Variants in LCT observed in about 807,000 individuals in gnomAD.
LCT encodes the protein lactase, also known as lactase/phlorizin hydrolase.
LCT carries 90 observed loss-of-function variants against 173.0 expected under a neutral mutation model. The ratio of observed to expected loss-of-function variants is 0.52; its 90% CI spans 0.44 to 0.62. LCT has a LOEUF of 0.62. Among genes scored for constraint, LCT ranks in the 20% least tolerant of loss-of-function variants. The pLI is 0.00. For synonymous variants in LCT, 853 were observed against 957.6 expected (o/e 0.89, Z 2.02); for missense variants, 1,864 against 2,431.4 (o/e 0.77, Z 4.91).
At chr2:135,829,812 A>T in intron 2 of LCT, 136 bp from the exon 3 acceptor site, 3 of 634,152 alleles carry the variant, frequency 4.7e-6, no homozygotes, top group Non-Finnish European at 8.6e-6. Context: ...AAAGGAAAAG[A>T]TGGAGATGGA....
chr2:135,825,828 G>T (rs955344413), intron 3 of LCT, among the ~76,000 whole-genome samples: 1 of 152,158 alleles, frequency 6.6e-6, no homozygotes, highest in Admixed American at 6.5e-5. Context: ...CTCTTCCCTC[G>T]CAGCCCACAG....
intron 6 of LCT, among the ~76,000 whole-genome samples, chr2:135,813,292 C>T (rs762850652): frequency 2.6e-5 from 4 of 152,122 alleles, no homozygotes; most frequent in African/African-American, 9.7e-5. Flanking sequence ...ATAATATCAA[C>T]GATGTTGATG....
rs1195871665 is a variant in LCT at position 135,821,459 on chromosome 2, GC to G, written c.986+560del. 2.0e-5 allele frequency among the ~76,000 whole-genome samples: 3 copies of G among 152,116 alleles called. No homozygotes were observed. The East Asian group carries it at 5.8e-4, about 29-fold the overall frequency. On this transcript the variant is annotated intron_variant, in intron 5 of 16. Transcript: ENST00000264162. ...GATGGTCAGATCTATCTTTAACCTGGCCACTCTTCCACAAGCTCACACTGTC... is the reference window on the plus strand; with the variant it reads ...GATGGTCAGATCTATCTTTAACCTGGCACTCTTCCACAAGCTCACACTGTC...
intron 5 of LCT, among the ~76,000 whole-genome samples, chr2:135,821,435 A>T (rs1191775049): frequency 6.6e-6 from 1 of 152,144 alleles, no homozygotes. Flanking sequence ...CTTCAGTGGG[A>T]TGGTCAGATC....
Position 135,817,426 on chromosome 2 carries a change from T to C in LCT, c.1622A>G (p.His541Arg), listed in dbSNP as rs745709919. The stretch of plus-strand genomic sequence containing the variant: ...TGCGTAGCTCATCACCCACGGCTCA[T>C]GGAAGGTCACCCACAGCTTCACACG... ...GDRVKLWVTF[H>R]EPWVMSYAGY... Residue 541 changes from histidine (H) to arginine (R), a missense_variant, in exon 6 of 17, where the codon CAT (histidine) becomes CGT (arginine). Around this residue, in one of 4 missense-constraint regions of LCT, gnomAD observed 183 missense variants for 293.1 expected, o/e 0.62. Transcript: ENST00000264162. The C allele has an allele frequency of 1.2e-6, 2 of 1,614,112 alleles. No individual in the cohort carries two copies. Among genetic ancestry groups the C allele is most frequent in the East Asian group, 4.5e-5 (2 of 44,866 alleles).
chr2:135,803,572 C>A (rs897557741), intron 11 of LCT, among the ~76,000 whole-genome samples: 3 of 152,172 alleles, frequency 2.0e-5, no homozygotes, highest in African/African-American at 7.2e-5. Flanking sequence ...TCAGCCAAAC[C>A]AATTGTCAGA....
chr2:135,810,551 T>G (rs2077725952), intron 7 of LCT, among the ~76,000 whole-genome samples: 1 of 152,218 alleles, frequency 6.6e-6, no homozygotes, highest in Non-Finnish European at 1.5e-5. Flanking sequence ...ATGTGTCCCA[T>G]GTGTTACCAC....
chr2:135,788,215 T>C lies in LCT; in HGVS notation c.*109A>G. 8.7e-6 allele frequency: 7 copies of C among 807,960 alleles called. No individual in the cohort carries two copies. Among genetic ancestry groups the C allele is most frequent in the East Asian group, 2.4e-5 (1 of 41,292 alleles). 50.0% of individuals were successfully genotyped at this position (807,960 alleles called of 1,614,324 possible). A position where few individuals can be genotyped will look rare whatever the true frequency, so the allele number is the denominator to read the frequency against. ...CATCTCTAACGGTGCAGCAGGACTTTATGGAGAAGTCCAGTATCAGCAGAG... is the reference window on the plus strand; with the variant it reads ...CATCTCTAACGGTGCAGCAGGACTTCATGGAGAAGTCCAGTATCAGCAGAG... On this transcript the variant is annotated 3_prime_UTR_variant, in exon 17 of 17. Coordinates refer to ENST00000264162, the MANE Select transcript of LCT (RefSeq NM_002299.4).
chr2:135,836,510 T>A lies in LCT; in HGVS notation c.640+20A>T, dbSNP rs1400404841. ...GATGAAGGTTGCCGAGGGGTCACCA[T>A]CAGGTCAATGTGTACTCACCCTGAA... On this transcript the variant is annotated intron_variant, in intron 1 of 16. Coordinates refer to ENST00000264162, the MANE Select transcript of LCT (RefSeq NM_002299.4). 3 of 1,612,900 alleles carry A rather than the reference T, an allele frequency of 1.9e-6. No homozygotes were observed. The highest frequency in any genetic ancestry group is 1.1e-5 in the South Asian group (1 of 91,040).
At chr2:135,806,551 G>A (rs2077676800) in intron 9 of LCT, among the ~76,000 whole-genome samples, 1 of 152,084 alleles carries the variant, frequency 6.6e-6, no homozygotes, top group Non-Finnish European at 1.5e-5. Flanking sequence ...CATTCATGGT[G>A]AGTACCCTGT....
Position 135,801,494 on chromosome 2 carries a change from C to G in LCT, c.4664-685G>C, listed in dbSNP as rs555898017. Among the ~76,000 whole-genome samples, 355 of 151,978 alleles carry G rather than the reference C, an allele frequency of 2.3e-3. 1 individual carries two copies. Among genetic ancestry groups the G allele is most frequent in the African/African-American group, 8.2e-3 (340 of 41,510 alleles). ...CTTTGGGAGGCTGAGGCAGGTGGAT[C>G]ACCTGAGGTCAGGAGTTTGAGACCA... On this transcript the variant is annotated intron_variant, in intron 11 of 16. Coordinates refer to ENST00000264162, the MANE Select transcript of LCT (RefSeq NM_002299.4).
In LCT at chr2:135,794,946, C is replaced by T. The variant is rs544693619; in HGVS notation, c.4977-171G>A. Reference sequence around the variant, plus strand: ...CCTTCAGGCGGTGCAGGAAGCACTGCGGCTCCTCCAGCCAGACCATAAACC... The same window carrying T: ...CCTTCAGGCGGTGCAGGAAGCACTGTGGCTCCTCCAGCCAGACCATAAACC... On this transcript the variant is annotated intron_variant, in intron 13 of 16. Transcript: ENST00000264162. 2.7e-5 allele frequency among the ~76,000 whole-genome samples: 4 copies of T among 145,598 alleles called. No homozygotes were observed. In the East Asian group the frequency reaches 8.2e-4, roughly 30 times the overall value.
chr2:135,829,436 G>A (rs1371222402), intron 3 of LCT, among the ~76,000 whole-genome samples, 157 bp downstream of exon 3: 3 of 152,112 alleles, frequency 2.0e-5, no homozygotes, highest in Non-Finnish European at 4.4e-5. Flanking sequence ...ATGTTCTCTA[G>A]GGATGCTTGC....
At chr2:135,811,500 C>G (rs1435022350) in intron 7 of LCT, among the ~76,000 whole-genome samples, 1 of 151,942 alleles carries the variant, frequency 6.6e-6, no homozygotes, top group Non-Finnish European at 1.5e-5. Flanking sequence ...AGATGTGGAT[C>G]AATTGGATCA....
At chr2:135,834,804 AAAAAAAG>A in intron 1 of LCT, among the ~76,000 whole-genome samples, 1 of 147,486 alleles carries the variant, frequency 6.8e-6, no homozygotes, top group African/African-American at 2.5e-5. Context: ...AAAAAAAAAA[AAAAAAAG>A]AAGAAGAAAA....
In LCT at chr2:135,799,021, G is replaced by A. The variant is rs1160577894; in HGVS notation, c.4867-883C>T. 6.6e-5 allele frequency among the ~76,000 whole-genome samples: 10 copies of A among 152,296 alleles called. No individual in the cohort carries two copies. In the East Asian group the frequency reaches 9.6e-4, roughly 15 times the overall value. The stretch of plus-strand genomic sequence containing the variant: ...ATATGACAGCCTAACGTTTCCTGAC[G>A]TTTGAAGTTTTGATTTCAGGAAAAA... On this transcript the variant is annotated intron_variant, in intron 12 of 16. Transcript: ENST00000264162.
At chr2:135,797,247 C>T (rs1031727836) in intron 13 of LCT, among the ~76,000 whole-genome samples, 8 of 152,100 alleles carry the variant, frequency 5.3e-5, no homozygotes, top group Admixed American at 5.2e-4. Flanking sequence ...CGCACCCGGC[C>T]TGGGAGCTGG....
rs777885594 is a variant in LCT at position 135,794,715 on chromosome 2, C to T, written c.5037G>A (p.Gly1679=). 71 of 1,613,974 alleles carry T rather than the reference C, an allele frequency of 4.4e-5. No individual in the cohort carries two copies. The highest frequency in any genetic ancestry group is 4.6e-5 in the Non-Finnish European group (54 of 1,179,978). Residue 1679 remains glycine (G), a synonymous_variant, in exon 14 of 17, where the codon GGG becomes GGA. Coordinates refer to ENST00000264162, the MANE Select transcript of LCT (RefSeq NM_002299.4). ...RRINGTYDFF[G]FNHYTTVLAY... Reference sequence around the variant, plus strand: ...CGAGGACAGTGGTGTAGTGATTGAACCCAAAAAAGTCATAGGTGCCGTTGA... The same window carrying T: ...CGAGGACAGTGGTGTAGTGATTGAATCCAAAAAAGTCATAGGTGCCGTTGA...
At chr2:135,789,024 G>A (rs2077513178) in intron 16 of LCT, among the ~76,000 whole-genome samples, 1 of 152,210 alleles carries the variant, frequency 6.6e-6, no homozygotes, top group African/African-American at 2.4e-5. Flanking sequence ...CATGGGGTCA[G>A]GTGTTGAATT....
Sources: allele counts gnomAD v4.1 joint callset (sites outside exome capture counted in the v4.1 genomes callset), GRCh38; gene constraint gnomAD v4.1.1; regional missense constraint gnomAD v4.1.1; transcripts MANE v1.5; gene names NCBI Gene and HGNC (gene_info 2026-07-23, HGNC 2026-07-21).